The following LOXL2 variants were observed in gnomAD, a reference collection of about 807,000 sequenced individuals.
LOXL2 encodes lysyl oxidase like 2.
In LOXL2, 70 loss-of-function variants were observed where a neutral mutation model predicts 93.0. The observed-to-expected ratio is 0.75, with a 90% CI of 0.62 to 0.92. The LOEUF (loss-of-function observed/expected upper bound fraction) is 0.92, where lower values mean the gene tolerates loss of function less well. Ranked by LOEUF, LOXL2 falls within the 40% of genes least tolerant of loss-of-function variation. LOXL2 has a pLI of 0.00. For synonymous variants in LOXL2, 438 were observed against 413.2 expected (o/e 1.06, Z -0.73); for missense variants, 973 against 1,054.9 (o/e 0.92, Z 1.08).
chr8:23,306,717 A>G (rs1394109820), intron 10 of LOXL2, among the ~76,000 whole-genome samples: 1 of 151,918 alleles, frequency 6.6e-6, no homozygotes, highest in African/African-American at 2.4e-5. Context: ...TGCTTCTCCA[A>G]CTCCTAGCTC....
intron 3 of LOXL2, among the ~76,000 whole-genome samples, chr8:23,346,155 A>AAAATAAAG (rs1803977048): frequency 3.4e-5 from 4 of 118,118 alleles, no homozygotes; most frequent in African/African-American, 6.5e-5. Flanking sequence ...ATAAAATAAA[A>AAAATAAAG]TAAAAAATAA....
intron 12 of LOXL2, among the ~76,000 whole-genome samples, chr8:23,299,297 AAGC>A (rs896560789): frequency 2.0e-4 from 31 of 152,156 alleles, no homozygotes; most frequent in Non-Finnish European, 5.9e-5. Context: ...TGCTGAAGAG[AAGC>A]AGAAGGGTGC....
At chr8:23,318,335 C>G (rs1803436082) in intron 8 of LOXL2, among the ~76,000 whole-genome samples, 1 of 151,838 alleles carries the variant, frequency 6.6e-6, no homozygotes, top group African/African-American at 2.4e-5. Context: ...GAGCCAATTC[C>G]TTAAAAGAAA....
At chr8:23,400,247 G>A (rs1001791631) in intron 1 of LOXL2, among the ~76,000 whole-genome samples, 3 of 152,336 alleles carry the variant, frequency 2.0e-5, no homozygotes, top group African/African-American at 7.2e-5. Flanking sequence ...CCGAGACTGG[G>A]TACTTTGTAA....
In LOXL2 at chr8:23,383,645, CGTTTTTTTTTT is replaced by C. The variant is rs1343543053; in HGVS notation, c.-83-15222_-83-15212del. ...AGTTATTTCTAAGAGGGCACTTTTACGTTTTTTTTTTGTTTTTTTTTTTTTTTTTTTTTGAG... is the reference window on the plus strand; with the variant it reads ...AGTTATTTCTAAGAGGGCACTTTTACGTTTTTTTTTTTTTTTTTTTTTGAG... On this transcript the variant is annotated intron_variant, in intron 1 of 13. Coordinates refer to ENST00000389131, the MANE Select transcript of LOXL2 (RefSeq NM_002318.3). 7.9e-3 allele frequency among the ~76,000 whole-genome samples: 947 copies of C among 119,704 alleles called. 39 individuals carry two copies. The highest frequency in any genetic ancestry group is 0.026 in the African/African-American group (750 of 28,846). The allele number at this position is 119,704 out of a possible 152,430, so 78.5% of individuals were successfully genotyped here.
chr8:23,315,801 A>G (rs4288380), intron 9 of LOXL2, among the ~76,000 whole-genome samples: 115,354 of 152,188 alleles, frequency 0.76, 43,918 homozygotes, highest in South Asian at 0.87. Context: ...GCACCTGTCT[A>G]TCTTTCATCT....
intron 10 of LOXL2, among the ~76,000 whole-genome samples, chr8:23,304,369 G>A (rs1260902165): frequency 6.6e-6 from 1 of 152,196 alleles, no homozygotes; most frequent in Non-Finnish European, 1.5e-5. Context: ...GGGCCTTCCC[G>A]AAGCCTGCAC....
intron 1 of LOXL2, chr8:23,385,970 T>A (rs768100365): frequency 1.3e-6 from 1 of 765,296 alleles, no homozygotes; most frequent in South Asian, 1.3e-5. Context: ...TGGCCCCATA[T>A]GGTGGTGGCT....
chr8:23,320,040 C>A lies in LOXL2; in HGVS notation c.1315G>T (p.Gly439Cys). The change falls in exon 8 of 14, where the codon GGC becomes TGC. Residue 439 changes from glycine to cysteine, a missense_variant. Coordinates refer to ENST00000389131, the MANE Select transcript of LOXL2 (RefSeq NM_002318.3). ...MGLQKKLRLN[G>C]GRNPYEGRVE... is the part of the protein sequence containing the mutation. ...CGGCCCTCGTAGGGATTGCGGCCGC[C>A]GTTCAGGCGCAGCTGCAGACACAAA... is the stretch of plus-strand genomic sequence containing the variant. 1 of 1,613,948 alleles carries A rather than the reference C, an allele frequency of 6.2e-7. No homozygotes were observed. Among genetic ancestry groups the A allele is most frequent in the Non-Finnish European group, 8.5e-7 (1 of 1,179,926 alleles).
intron 1 of LOXL2, among the ~76,000 whole-genome samples, chr8:23,383,657 G>GTTTTTTTT (rs968347697): frequency 3.1e-4 from 7 of 22,280 alleles, no homozygotes; most frequent in African/African-American, 1.2e-3. Flanking sequence ...TTTTTTTTTT[G>GTTTTTTTT]TTTTTTTTTT....
chr8:23,298,784 A>T, intron 13 of LOXL2, 52 bp downstream of exon 13: 1 of 1,154,970 alleles, frequency 8.7e-7, no homozygotes, highest in East Asian at 2.4e-5. Context: ...GGTCCTTGAG[A>T]AAGTAGGGCA....
intron 1 of LOXL2, among the ~76,000 whole-genome samples, chr8:23,392,715 C>G (rs1347627803): frequency 2.4e-4 from 37 of 152,246 alleles, no homozygotes; most frequent in Admixed American, 2.4e-3. Context: ...TTTACACCCC[C>G]CTGCCCTTGG....
chr8:23,383,804 G>A (rs1373013739), intron 1 of LOXL2, among the ~76,000 whole-genome samples: 4 of 151,712 alleles, frequency 2.6e-5, no homozygotes, highest in Non-Finnish European at 5.9e-5. Context: ...GGGACTACAG[G>A]CGCCCGCCAC....
At position 23,309,719 on chromosome 8, in the gene LOXL2, T is replaced by C. The variant is rs765521013; in HGVS notation, c.1829A>G (p.Asp610Gly). Reference protein sequence around the residue: ...SSQIHNNGQSDFRPKNGRHAW... With the variant: ...SSQIHNNGQSGFRPKNGRHAW... ...GTGGCGGCCGTTCTTGGGCCGGAAGTCGGACTGGCCATTGTTGTGGATCTG... is the reference window on the plus strand; with the variant it reads ...GTGGCGGCCGTTCTTGGGCCGGAAGCCGGACTGGCCATTGTTGTGGATCTG... Residue 610 changes from aspartate (D) to glycine (G), a missense_variant, in exon 10 of 14, where the codon GAC (aspartate) becomes GGC (glycine). Coordinates refer to ENST00000389131, the MANE Select transcript of LOXL2 (RefSeq NM_002318.3). 2 of 1,575,096 alleles carry C rather than the reference T, an allele frequency of 1.3e-6. 1 individual carries two copies. Among genetic ancestry groups the C allele is most frequent in the South Asian group, 2.3e-5 (2 of 86,232 alleles).
intron 8 of LOXL2, 62 bp from the exon 9 acceptor site, chr8:23,317,176 C>T: frequency 2.5e-5 from 38 of 1,541,792 alleles, no homozygotes; most frequent in Non-Finnish European, 3.4e-5. Context: ...TTCTCATATC[C>T]TATCAACTTG....
At chr8:23,304,933 C>T (rs1176119014) in intron 10 of LOXL2, among the ~76,000 whole-genome samples, 1 of 152,168 alleles carries the variant, frequency 6.6e-6, no homozygotes. Flanking sequence ...TTTTCCCTTC[C>T]TCCTGCATTT....
chr8:23,319,847 G>C lies in LOXL2; in HGVS notation c.1470+38C>G, dbSNP rs374313196. 3.8e-6 allele frequency: 6 copies of C among 1,599,590 alleles called. No homozygotes were observed. The Admixed American group carries it at 5.0e-5, about 13-fold the overall frequency. On this transcript the variant is annotated intron_variant, in intron 8 of 13. Transcript: ENST00000389131. ...TGAAGACAGTGTGGTCAGACTGCAT[G>C]GGGGGTGAATGCGGGGTCTGAGGCC...
chr8:23,297,722 C>CCGCCG lies in LOXL2; in HGVS notation c.*320_*321insCGGCG. 1 of 211,650 alleles carries CCGCCG rather than the reference C, an allele frequency of 4.7e-6. No homozygotes were observed. The allele number at this position is 211,650 out of a possible 1,614,324, so 13.1% of individuals were successfully genotyped here. On this transcript the variant is annotated 3_prime_UTR_variant, in exon 14 of 14. Coordinates refer to ENST00000389131, the MANE Select transcript of LOXL2 (RefSeq NM_002318.3). ...ACTGTGTCTGTGGTGAGCTCGGTGG[C>CCGCCG]TTGAATGGGACAAGCTGATGACAAC... is the stretch of plus-strand genomic sequence containing the variant.
At chr8:23,313,328 C>T (rs1273296113) in intron 9 of LOXL2, among the ~76,000 whole-genome samples, 10 of 152,028 alleles carry the variant, frequency 6.6e-5, no homozygotes, top group African/African-American at 9.7e-5. Context: ...AAAAAGAGCC[C>T]GCATCACCAA....
Sources: allele counts gnomAD v4.1 joint callset (sites outside exome capture counted in the v4.1 genomes callset), GRCh38; gene constraint gnomAD v4.1.1; transcripts MANE v1.5; gene names NCBI Gene and HGNC (gene_info 2026-07-23, HGNC 2026-07-21).